SMURF2: variants seen among roughly 807,000 people sequenced by gnomAD.
SMURF2 encodes the protein SMAD specific E3 ubiquitin protein ligase 2.
SMURF2 carries 48 observed loss-of-function variants against 109.6 expected under a neutral mutation model. The ratio of observed to expected loss-of-function variants is 0.44; its 90% CI spans 0.35 to 0.56. SMURF2 has a LOEUF of 0.56. SMURF2 is among the 20% of genes least tolerant of loss of function. The pLI is 0.01. For missense variants in SMURF2, 575 were observed against 909.0 expected, an observed-to-expected ratio of 0.63 and a Z score of 4.72; for synonymous variants, 288 against 317.1, an observed-to-expected ratio of 0.91 and a Z score of 0.97.
chr17:64,633,564 T>C (rs1555691822), intron 1 of SMURF2, among the ~76,000 whole-genome samples: 1 of 152,228 alleles, frequency 6.6e-6, no homozygotes, highest in Non-Finnish European at 1.5e-5. Context: ...AAATATGTCA[T>C]ATTCACTTTG....
At chr17:64,561,158 G>A (rs1398317095) in intron 12 of SMURF2, among the ~76,000 whole-genome samples, 3 of 152,004 alleles carry the variant, frequency 2.0e-5, no homozygotes, top group Non-Finnish European at 2.9e-5. Context: ...TGGAAGCAAA[G>A]AGAACCAGTA....
intron 16 of SMURF2, 88 bp downstream of exon 16, chr17:64,551,496 A>C: frequency 7.1e-7 from 1 of 1,404,928 alleles, no homozygotes; most frequent in Non-Finnish European, 9.9e-7. Context: ...AAAGCACCAG[A>C]AATATGCTTT....
intron 1 of SMURF2, chr17:64,660,790 G>C (rs1256510308): frequency 6.6e-6 from 1 of 152,172 alleles, no homozygotes; most frequent in Non-Finnish European, 1.5e-5. Flanking sequence ...AATGGTGAAG[G>C]TAGGATAACG....
At chr17:64,588,510 A>T (rs1462429504) in intron 5 of SMURF2, among the ~76,000 whole-genome samples, 2 of 152,184 alleles carry the variant, frequency 1.3e-5, no homozygotes, top group African/African-American at 2.4e-5. Context: ...AAGTGAAAGA[A>T]AGCAAAGTAA....
chr17:64,661,892 CG>C lies in SMURF2; in HGVS notation c.-13del, dbSNP rs1271235554. The C allele has an allele frequency of 8.9e-7, 1 of 1,120,630 alleles. No homozygotes were observed. The highest frequency in any genetic ancestry group is 3.6e-5 in the East Asian group (1 of 27,718). The allele number at this position is 1,120,630 out of a possible 1,614,324, so 69.4% of individuals were successfully genotyped here. A position where few individuals can be genotyped will look rare whatever the true frequency, so the allele number is the denominator to read the frequency against. On this transcript the variant is annotated 5_prime_UTR_variant, in exon 1 of 19. Coordinates refer to ENST00000262435, the MANE Select transcript of SMURF2 (RefSeq NM_022739.4). ...CCGGGGTTAGACATGTCCCCGGCGG[CG>C]GGGGCGGCGGGGGCGGCGGGCGGCA...
At chr17:64,605,869 T>C (rs1555689003) in intron 2 of SMURF2, among the ~76,000 whole-genome samples, 1 of 148,974 alleles carries the variant, frequency 6.7e-6, no homozygotes, top group African/African-American at 2.5e-5. Flanking sequence ...AAAAATTTAA[T>C]GAATCATCTC....
intron 6 of SMURF2, among the ~76,000 whole-genome samples, chr17:64,583,952 C>T (rs782534426): frequency 6.6e-6 from 1 of 151,954 alleles, no homozygotes; most frequent in Admixed American, 6.5e-5. Flanking sequence ...TGTGAGCCAC[C>T]GCATCCGGCC....
chr17:64,629,718 G>A (rs1297412615), intron 1 of SMURF2, among the ~76,000 whole-genome samples: 8 of 152,100 alleles, frequency 5.3e-5, no homozygotes, highest in African/African-American at 1.9e-4. Flanking sequence ...ATAGATTAGT[G>A]GGAAGAATGT....
chr17:64,606,570 C>T, intron 2 of SMURF2, 32 bp downstream of exon 2: 1 of 1,459,878 alleles, frequency 6.8e-7, no homozygotes, highest in Non-Finnish European at 9.4e-7. Context: ...GATCTACATA[C>T]AATACACAAG....
intron 1 of SMURF2, among the ~76,000 whole-genome samples, chr17:64,631,638 G>A (rs1970350019): frequency 6.6e-6 from 1 of 152,056 alleles, no homozygotes; most frequent in East Asian, 1.9e-4. Context: ...AACATAAAAT[G>A]CACTTAAACA....
intron 1 of SMURF2, among the ~76,000 whole-genome samples, chr17:64,652,482 CTGATT>C (rs1456839773): frequency 6.6e-6 from 1 of 151,972 alleles, no homozygotes; most frequent in African/African-American, 2.4e-5. Context: ...ATACTGTCAA[CTGATT>C]TGTTTGTTTG....
intron 3 of SMURF2, among the ~76,000 whole-genome samples, chr17:64,597,240 C>A (rs530766758): frequency 6.6e-6 from 1 of 151,616 alleles, no homozygotes; most frequent in Non-Finnish European, 1.5e-5. Context: ...CCCATCTCTA[C>A]AAAAAATTAC....
chr17:64,640,245 CATA>C (rs1450552608), intron 1 of SMURF2, among the ~76,000 whole-genome samples: 2 of 152,062 alleles, frequency 1.3e-5, no homozygotes, highest in Admixed American at 6.6e-5. Flanking sequence ...ATGGAGGTAG[CATA>C]ATGAGAGTAG....
rs782484938 is a variant in SMURF2, at chr17:64,566,878, GT to G, written c.1017-3913del. Among the ~76,000 whole-genome samples the G allele has an allele frequency of 4.8e-3, 591 of 121,922 alleles. 2 individuals carry two copies. Among genetic ancestry groups the G allele is most frequent in the African/African-American group, 0.014 (448 of 32,968 alleles). The allele number at this position is 121,922 out of a possible 152,430, so 80.0% of individuals were successfully genotyped here. A position where few individuals can be genotyped will look rare whatever the true frequency, so the allele number is the denominator to read the frequency against. On this transcript the variant is annotated intron_variant, in intron 10 of 18. Transcript: ENST00000262435. ...AGCCATCGTGCCCCGCTGACAGAGA[GT>G]TTTTTTTTTTTTTTAGATAGAGACT... is the stretch of plus-strand genomic sequence containing the variant.
At position 64,576,181 on chromosome 17, in the gene SMURF2, G is replaced by A. The variant is rs559196598; in HGVS notation, c.857+2311C>T. On this transcript the variant is annotated intron_variant, in intron 9 of 18. Transcript: ENST00000262435. ...GACTGCACTGCTGCTCTCCAGCCTG[G>A]ACAGCAGAGCTAGATCCTGTCTCAA... Among the ~76,000 whole-genome samples the A allele has an allele frequency of 5.3e-5, 8 of 152,126 alleles. No individual in the cohort carries two copies. The South Asian group carries it at 1.4e-3, about 28-fold the overall frequency.
chr17:64,640,147 A>G (rs1207295939), intron 1 of SMURF2, among the ~76,000 whole-genome samples: 1 of 152,210 alleles, frequency 6.6e-6, no homozygotes, highest in Non-Finnish European at 1.5e-5. Context: ...TCTAAAATCA[A>G]AAGTTTATTT....
intron 15 of SMURF2, 79 bp downstream of exon 15, chr17:64,554,777 T>C: frequency 1.5e-6 from 2 of 1,348,536 alleles, no homozygotes; most frequent in South Asian, 1.3e-5. Flanking sequence ...AGTAGTACTA[T>C]CTAAATATTT....
intron 1 of SMURF2, among the ~76,000 whole-genome samples, chr17:64,623,510 T>C (rs1310253578): frequency 1.3e-5 from 2 of 152,242 alleles, no homozygotes; most frequent in Non-Finnish European, 2.9e-5. Flanking sequence ...TGCATTGTTT[T>C]ACAGTAAACA....
rs147104286 is a variant in SMURF2, at chr17:64,547,885, T to A, written c.1870-84A>T. ...TCAAAAGAGAACTTTAGGTTTGTAC[T>A]GCTGGCTGTCATTTGGTGGTTCCTA... On this transcript the variant is annotated intron_variant, in intron 16 of 18. Coordinates refer to ENST00000262435, the MANE Select transcript of SMURF2 (RefSeq NM_022739.4). This position sits in a 1 kb window ranked among gnomAD's most constrained non-coding sequence, Gnocchi z 4.2. 3.6e-3 allele frequency: 4,191 copies of A among 1,149,386 alleles called. 15 individuals carry two copies. Among genetic ancestry groups the A allele is most frequent in the Non-Finnish European group, 4.5e-3 (3,477 of 774,800 alleles). 71.2% of individuals were successfully genotyped at this position (1,149,386 alleles called of 1,614,324 possible).
Sources: allele counts gnomAD v4.1 joint callset (sites outside exome capture counted in the v4.1 genomes callset), GRCh38; gene constraint gnomAD v4.1.1; non-coding constraint Gnocchi (gnomAD v3.1); transcripts MANE v1.5; gene names NCBI Gene and HGNC (gene_info 2026-07-23, HGNC 2026-07-21).